KRT77: variants seen among roughly 807,000 people sequenced by gnomAD.
KRT77 encodes keratin, type II cytoskeletal 1b.
A neutral mutation model predicts 51.5 loss-of-function variants in KRT77; 44 were observed. The observed-to-expected ratio is 0.85, with a 90% CI of 0.67 to 1.10. The LOEUF (loss-of-function observed/expected upper bound fraction) is 1.10. KRT77 is among the 50% of genes least tolerant of loss of function. KRT77 has a pLI of 0.00. For synonymous variants in KRT77, 293 were observed against 302.0 expected (o/e 0.97, Z 0.31); for missense variants, 763 against 743.9 (o/e 1.03, Z -0.30).
At position 52,703,106 on chromosome 12, in the gene KRT77, C is replaced by G. The variant is rs1941908839; in HGVS notation, c.329G>C (p.Gly110Ala). Residue 110 changes from glycine to alanine, a missense_variant, in exon 1 of 9, where the codon GGT becomes GCT. Transcript: ENST00000341809. Reference protein sequence around the residue: ...GSTGAGGFGGGGFGGAGFGTS... With the variant: ...GSTGAGGFGGAGFGGAGFGTS... ...CCCAAATCCAGCACCCCCAAAACCA[C>G]CTCCTCCAAAGCCACCAGCCCCGGT... 2 of 1,612,670 alleles carry G rather than the reference C, an allele frequency of 1.2e-6. No homozygotes were observed. Among genetic ancestry groups the G allele is most frequent in the Non-Finnish European group, 1.7e-6 (2 of 1,179,130 alleles).
chr12:52,696,828 C>T (rs1447281886), intron 2 of KRT77: 3 of 178,470 alleles, frequency 1.7e-5, no homozygotes, highest in African/African-American at 7.1e-5. Context: ...ATTTCTGTAC[C>T]CCACCCCCCA....
Position 52,694,333 on chromosome 12 carries a change from T to A in KRT77, c.1080+293A>T, listed in dbSNP as rs146711058. ...TGCAGTGCCTAACACATATGAGTTCTCAATAAACATTATTGGGTTTTTGCA... is the reference window on the plus strand; with the variant it reads ...TGCAGTGCCTAACACATATGAGTTCACAATAAACATTATTGGGTTTTTGCA... On this transcript the variant is annotated intron_variant, in intron 5 of 8. Coordinates refer to ENST00000341809, the MANE Select transcript of KRT77 (RefSeq NM_175078.3). 1.2e-3 allele frequency among the ~76,000 whole-genome samples: 186 copies of A among 152,350 alleles called. 1 individual carries two copies. Among genetic ancestry groups the A allele is most frequent in the African/African-American group, 4.1e-3 (169 of 41,586 alleles).
In KRT77 at chr12:52,702,564, GTGTA is replaced by G. The variant is rs1941899473; in HGVS notation, c.543+324_543+327del. ...TGTGTGTGTGTGTGTTTGTGTGTGT[GTGTA>G]TAAATGGATTGTGTGGATGGGGATG... On this transcript the variant is annotated intron_variant, in intron 1 of 8. Coordinates refer to ENST00000341809, the MANE Select transcript of KRT77 (RefSeq NM_175078.3). Among the ~76,000 whole-genome samples, 3 of 147,346 alleles carry G rather than the reference GTGTA, an allele frequency of 2.0e-5. No homozygotes were observed. The Admixed American group carries it at 2.0e-4, about 10-fold the overall frequency.
rs777805186 is a variant in KRT77 at position 52,703,092 on chromosome 12, C to A, written c.343G>T (p.Ala115Ser). 6.2e-7 allele frequency: 1 copy of A among 1,613,462 alleles called. No individual in the cohort carries two copies. Among genetic ancestry groups the A allele is most frequent in the South Asian group, 1.1e-5 (1 of 91,038 alleles). ...CCAAAATTGCTAGTCCCAAATCCAG[C>A]ACCCCCAAAACCACCTCCTCCAAAG... ...GGFGGGGFGGAGFGTSNFGLG... is the reference protein window; with the variant it reads ...GGFGGGGFGGSGFGTSNFGLG... Residue 115 changes from alanine (A) to serine (S), a missense_variant, in exon 1 of 9, where the codon GCT (alanine) becomes TCT (serine). Transcript: ENST00000341809.
rs1941698357 is a variant in KRT77 at position 52,691,184 on chromosome 12, T to A, written c.1718A>T (p.His573Leu). 1 of 1,614,068 alleles carries A rather than the reference T, an allele frequency of 6.2e-7. No individual in the cohort carries two copies. Among genetic ancestry groups the A allele is most frequent in the Non-Finnish European group, 8.5e-7 (1 of 1,179,980 alleles). The change falls in exon 9 of 9, where the codon CAC becomes CTC. Residue 573 changes from histidine (H) to leucine (L), a missense_variant. His to Leu is a moderately conservative substitution (Grantham distance 99). Transcript: ENST00000341809. ...AGGCCTCTACTCCAAGATCCGCCTGTGGGAGGTGTTGGTGGAGGTCTGGAT... is the reference window on the plus strand; with the variant it reads ...AGGCCTCTACTCCAAGATCCGCCTGAGGGAGGTGTTGGTGGAGGTCTGGAT... The part of the protein sequence containing the change: ...QIIQTSTNTS[H>L]RRILE
chr12:52,693,234 A>G (rs1053581989), intron 5 of KRT77, among the ~76,000 whole-genome samples: 2 of 149,660 alleles, frequency 1.3e-5, no homozygotes, highest in African/African-American at 4.9e-5. Context: ...CTTTCCACCC[A>G]CCATATAGCT....
rs1205588657 is a variant in KRT77, at chr12:52,691,254, C to G, written c.1648G>C (p.Gly550Arg). The G allele has an allele frequency of 1.2e-6, 2 of 1,609,806 alleles. No individual in the cohort carries two copies. Among genetic ancestry groups the G allele is most frequent in the Non-Finnish European group, 1.7e-6 (2 of 1,178,156 alleles). The change falls in exon 9 of 9, where the codon GGA (glycine) becomes CGA (arginine). Residue 550 changes from glycine (G) to arginine (R), a missense_variant. Physicochemically the swap from Gly to Arg is moderately radical, Grantham distance 125. Coordinates refer to ENST00000341809, the MANE Select transcript of KRT77 (RefSeq NM_175078.3). ...CCGCGGCCGCTTCTGCCGCTCCCTC[C>G]GTAGCTCCCGCCACCGCCGCCGCAG... ...SGCGGGGGSYGGSGRSGRGSS... is the reference protein window; with the variant it reads ...SGCGGGGGSYRGSGRSGRGSS...
intron 1 of KRT77, chr12:52,698,109 T>G: frequency 6.8e-7 from 1 of 1,469,152 alleles, no homozygotes; most frequent in Non-Finnish European, 9.1e-7. Flanking sequence ...TTGCCTAAAA[T>G]TGACACTAAG....
In KRT77 at chr12:52,691,310, C is replaced by T. The variant is rs748046252; in HGVS notation, c.1592G>A (p.Arg531Gln). ...GGRSYRGGGA[R>Q]GRSGGGYGSG... is the part of the protein sequence containing the mutation. Reference sequence around the variant, plus strand: ...GCCATAACCGCCTCCACTCCTGCCTCGTGCCCCGCCTCCGCGGTAGCTTCT... The same window carrying T: ...GCCATAACCGCCTCCACTCCTGCCTTGTGCCCCGCCTCCGCGGTAGCTTCT... The change falls in exon 9 of 9, where the codon CGA becomes CAA. Residue 531 changes from arginine (R) to glutamine (Q), a missense_variant. Transcript: ENST00000341809. The T allele has an allele frequency of 1.9e-6, 3 of 1,599,584 alleles. No individual in the cohort carries two copies. The highest frequency in any genetic ancestry group is 1.7e-5 in the Admixed American group (1 of 57,964).
Position 52,697,804 on chromosome 12 carries a change from C to T in KRT77, c.636G>A (p.Glu212=), listed in dbSNP as rs764165439. ...CACCGATGTAGTTCTCCAAGAGGGG[C>T]TCCAGGTTGTTGGTTCCAGTTGAGG... ...VNTSTGTNNL[E]PLLENYIGDL... Residue 212 remains glutamate (E), a synonymous_variant, in exon 2 of 9, where the codon GAG becomes GAA. Transcript: ENST00000341809. 1 of 1,614,136 alleles carries T rather than the reference C, an allele frequency of 6.2e-7. No individual in the cohort carries two copies. Among genetic ancestry groups the T allele is most frequent in the South Asian group, 1.1e-5 (1 of 91,078 alleles).
chr12:52,692,448 C>A lies in KRT77; in HGVS notation c.1400G>T (p.Arg467Leu). ...LSLDVEIATY[R>L]QLLEGEESRM... Reference sequence around the variant, plus strand: ...GCTCTCCTCGCCCTCCAGCAGCTGGCGGTAGGTGGCGATCTCCACATCCAG... The same window carrying A: ...GCTCTCCTCGCCCTCCAGCAGCTGGAGGTAGGTGGCGATCTCCACATCCAG... Residue 467 changes from arginine to leucine, a missense_variant, in exon 7 of 9, where the codon CGC (arginine) becomes CTC (leucine). Transcript: ENST00000341809. 5 of 1,613,994 alleles carry A rather than the reference C, an allele frequency of 3.1e-6. No homozygotes were observed. Among genetic ancestry groups the A allele is most frequent in the Non-Finnish European group, 4.2e-6 (5 of 1,179,992 alleles).
chr12:52,701,538 GAA>G (rs1274860506), intron 1 of KRT77, among the ~76,000 whole-genome samples: 1 of 152,230 alleles, frequency 6.6e-6, no homozygotes, highest in Non-Finnish European at 1.5e-5. Context: ...GGGACTGAGG[GAA>G]AGTCACTGAG....
At position 52,692,745 on chromosome 12, in the gene KRT77, C is replaced by A. The variant is rs1182954494; in HGVS notation, c.1206+10G>T. On this transcript the variant is annotated intron_variant, in intron 6 of 8. Transcript: ENST00000341809. ...GGGCTTGGTCAGCCCTCCCTAAGCA[C>A]CCGTCCCACCTGCTTCTTCACGTTG... is the stretch of plus-strand genomic sequence containing the variant. The A allele has an allele frequency of 6.2e-7, 1 of 1,603,674 alleles. No individual in the cohort carries two copies. Among genetic ancestry groups the A allele is most frequent in the Admixed American group, 1.7e-5 (1 of 59,732 alleles).
intron 2 of KRT77, 31 bp downstream of exon 2, chr12:52,697,651 C>A (rs755128565): frequency 2.7e-5 from 42 of 1,575,756 alleles, no homozygotes; most frequent in Middle Eastern, 3.4e-4. Flanking sequence ...GGCCATGCTT[C>A]TCCCCTGTTT....
chr12:52,696,043 A>G (rs1490520052), intron 3 of KRT77, among the ~76,000 whole-genome samples, 176 bp from the exon 4 acceptor site: 1 of 152,146 alleles, frequency 6.6e-6, no homozygotes, highest in Non-Finnish European at 1.5e-5. Context: ...CCAGAAGGAG[A>G]TGTGACACCA....
At chr12:52,696,037 A>C (rs1941790786) in intron 3 of KRT77, among the ~76,000 whole-genome samples, 170 bp from the exon 4 acceptor site, 1 of 152,212 alleles carries the variant, frequency 6.6e-6, no homozygotes, top group Admixed American at 6.5e-5. Flanking sequence ...TCCTGGCCAG[A>C]AGGAGATGTG....
chr12:52,701,041 G>A (rs1377133449), intron 1 of KRT77, among the ~76,000 whole-genome samples: 1 of 152,184 alleles, frequency 6.6e-6, no homozygotes, highest in Non-Finnish European at 1.5e-5. Flanking sequence ...AAGGACAGGA[G>A]GCCCAGGTCT....
intron 5 of KRT77, chr12:52,693,601 A>G (rs893688091): frequency 6.6e-6 from 1 of 150,796 alleles, no homozygotes; most frequent in Non-Finnish European, 1.5e-5. Context: ...AGTTGTTCAG[A>G]ATTTAGTGAC....
chr12:52,702,752 T>A, intron 1 of KRT77, 140 bp downstream of exon 1: 1 of 838,474 alleles, frequency 1.2e-6, no homozygotes, highest in Non-Finnish European at 1.9e-6. Context: ...GAAGACAAAT[T>A]GAAGCCCAAA....
Sources: gnomAD v4.1 joint callset for allele counts (sites outside exome capture counted in the v4.1 genomes callset) on GRCh38, gnomAD v4.1.1 for gene constraint, MANE v1.5 for transcripts, NCBI Gene and HGNC (gene_info 2026-07-23, HGNC 2026-07-21) for gene names.